The following SYNJ2BP variants were observed in gnomAD, a reference collection of about 807,000 sequenced individuals.
SYNJ2BP encodes synaptojanin 2 binding protein.
In SYNJ2BP, 10 loss-of-function variants were observed where a neutral mutation model predicts 16.9. The ratio of observed to expected loss-of-function variants is 0.59; its 90% CI spans 0.36 to 1.00. The LOEUF (loss-of-function observed/expected upper bound fraction) is 1.00, where lower values mean the gene tolerates loss of function less well. Among genes scored for constraint, SYNJ2BP ranks in the 50% least tolerant of loss-of-function variants. SYNJ2BP has a pLI of 0.01. For synonymous variants in SYNJ2BP, 54 were observed against 68.4 expected, an observed-to-expected ratio of 0.79 and a Z score of 1.04; for missense variants, 162 against 186.7, an observed-to-expected ratio of 0.87 and a Z score of 0.77.
chr14:70,393,809 G>T (rs556423695), intron 1 of SYNJ2BP, among the ~76,000 whole-genome samples: 3 of 151,894 alleles, frequency 2.0e-5, no homozygotes, highest in Non-Finnish European at 2.9e-5. Context: ...GTCAGGGGGT[G>T]GGGGGTAAGG....
intron 1 of SYNJ2BP, among the ~76,000 whole-genome samples, chr14:70,397,976 C>T (rs146640868): frequency 1.8e-4 from 27 of 152,298 alleles, no homozygotes; most frequent in African/African-American, 5.3e-4. Context: ...GATGAGTGTT[C>T]GGCTCCTAGC....
chr14:70,398,082 A>G, intron 1 of SYNJ2BP, among the ~76,000 whole-genome samples: 1 of 152,158 alleles, frequency 6.6e-6, no homozygotes, highest in African/African-American at 2.4e-5. Context: ...GGTCATCTCA[A>G]CAAGTACTCA....
rs1244816269 is a variant in SYNJ2BP, at chr14:70,371,384, G to C, written c.*1607C>G. The C allele has an allele frequency of 6.6e-6, 1 of 152,240 alleles. No individual in the cohort carries two copies. The highest frequency in any genetic ancestry group is 1.5e-5 in the Non-Finnish European group (1 of 68,078). The allele number at this position is 152,240 out of a possible 1,614,324, so 9.4% of individuals were successfully genotyped here. On this transcript the variant is annotated 3_prime_UTR_variant, in exon 4 of 4. Transcript: ENST00000256366. ...AGGTTTATTAAAAGCCGTATGTAGT[G>C]TATAAAGCCTTTCAAAAATACTAGC... is the stretch of plus-strand genomic sequence containing the variant.
At chr14:70,391,544 C>T (rs1312718238) in intron 1 of SYNJ2BP, among the ~76,000 whole-genome samples, 4 of 152,198 alleles carry the variant, frequency 2.6e-5, no homozygotes, top group Admixed American at 6.5e-5. Flanking sequence ...GGCCAACCCA[C>T]CTCTCCCAAG....
At chr14:70,402,576 G>A (rs1404328577) in intron 1 of SYNJ2BP, among the ~76,000 whole-genome samples, 1 of 151,834 alleles carries the variant, frequency 6.6e-6, no homozygotes, top group East Asian at 1.9e-4. Context: ...AACAGGTGGT[G>A]CACCTGTAGT....
At chr14:70,397,221 G>A (rs139361716) in intron 1 of SYNJ2BP, among the ~76,000 whole-genome samples, 37 of 152,070 alleles carry the variant, frequency 2.4e-4, no homozygotes, top group East Asian at 2.1e-3. Context: ...TCCAAACACC[G>A]TATGTTAAAA....
intron 2 of SYNJ2BP, among the ~76,000 whole-genome samples, chr14:70,378,592 C>A (rs996845655): frequency 1.3e-5 from 2 of 151,748 alleles, no homozygotes; most frequent in African/African-American, 2.4e-5. Context: ...GTGCCCCAGC[C>A]CAGGCTAAAA....
At chr14:70,416,254 A>T (rs1444850216) in intron 1 of SYNJ2BP, among the ~76,000 whole-genome samples, 1 of 152,106 alleles carries the variant, frequency 6.6e-6, no homozygotes, top group East Asian at 1.9e-4. Flanking sequence ...ATAAATAAAT[A>T]AAATAAATCT....
chr14:70,413,546 G>A (rs770722689), intron 1 of SYNJ2BP, among the ~76,000 whole-genome samples: 3 of 152,226 alleles, frequency 2.0e-5, no homozygotes, highest in Admixed American at 1.3e-4. Flanking sequence ...GGCTGAGGCA[G>A]GTGAATTGCT....
intron 1 of SYNJ2BP, among the ~76,000 whole-genome samples, chr14:70,415,604 A>G (rs920394411): frequency 1.3e-5 from 2 of 151,144 alleles, no homozygotes; most frequent in Non-Finnish European, 2.9e-5. Context: ...GAAGACACAA[A>G]GTATGGATAA....
intron 2 of SYNJ2BP, among the ~76,000 whole-genome samples, chr14:70,378,109 T>C (rs550783611): frequency 4.6e-5 from 7 of 152,320 alleles, no homozygotes; most frequent in African/African-American, 1.4e-4. Context: ...GCATTCTTTG[T>C]TCTTAAATTA....
chr14:70,396,906 T>C (rs1326768317), intron 1 of SYNJ2BP, among the ~76,000 whole-genome samples: 1 of 152,210 alleles, frequency 6.6e-6, no homozygotes, highest in Non-Finnish European at 1.5e-5. Context: ...AAATAAATAA[T>C]TGGCAAATAC....
At chr14:70,396,185 C>G (rs1273067684) in intron 1 of SYNJ2BP, among the ~76,000 whole-genome samples, 1 of 152,158 alleles carries the variant, frequency 6.6e-6, no homozygotes, top group Non-Finnish European at 1.5e-5. Flanking sequence ...GTGGCGCGAT[C>G]TCCGCTCACT....
At chr14:70,404,521 T>C (rs1200816589) in intron 1 of SYNJ2BP, among the ~76,000 whole-genome samples, 2 of 152,300 alleles carry the variant, frequency 1.3e-5, no homozygotes, top group East Asian at 1.9e-4. Flanking sequence ...AAAAGCTAAA[T>C]ATATTTAGAT....
chr14:70,372,894 T>G lies in SYNJ2BP; in HGVS notation c.*97A>C, dbSNP rs1481129776. The G allele has an allele frequency of 1.3e-6, 2 of 1,543,020 alleles. No individual in the cohort carries two copies. Among genetic ancestry groups the G allele is most frequent in the African/African-American group, 2.7e-5 (2 of 73,470 alleles). On this transcript the variant is annotated 3_prime_UTR_variant, in exon 4 of 4. Transcript: ENST00000256366. ...GGGTGGGTATCAGTCACTTCAAATC[T>G]GGCTATGCAGAGAGAGGGAAAGACA...
At position 70,414,739 on chromosome 14, in the gene SYNJ2BP, G is replaced by A. The variant is rs79453358; in HGVS notation, c.64+2161C>T. On this transcript the variant is annotated intron_variant, in intron 1 of 3. Transcript: ENST00000256366. ...AGATATTTAGGATAAAGAAGAAAGAGGCAAAACAGGAGCAGAACAACTAGA... is the reference window on the plus strand; with the variant it reads ...AGATATTTAGGATAAAGAAGAAAGAAGCAAAACAGGAGCAGAACAACTAGA... Among the ~76,000 whole-genome samples the A allele has an allele frequency of 9.4e-3, 1,438 of 152,204 alleles. 27 individuals carry two copies. The highest frequency in any genetic ancestry group is 0.032 in the African/African-American group (1,344 of 41,534).
At position 70,391,529 on chromosome 14, in the gene SYNJ2BP, G is replaced by A. The variant is rs532675245; in HGVS notation, c.65-2923C>T. On this transcript the variant is annotated intron_variant, in intron 1 of 3. Coordinates refer to ENST00000256366, the MANE Select transcript of SYNJ2BP (RefSeq NM_018373.3). ...AACTGTGACAGCTTTGAACAAGGGG[G>A]CCAAGGCCAACCCACCTCTCCCAAG... Among the ~76,000 whole-genome samples the A allele has an allele frequency of 9.9e-5, 15 of 152,270 alleles. No individual in the cohort carries two copies. In the South Asian group the frequency reaches 3.1e-3, roughly 32 times the overall value.
chr14:70,389,009 G>C (rs184667513), intron 1 of SYNJ2BP, among the ~76,000 whole-genome samples: 233 of 151,018 alleles, frequency 1.5e-3, no homozygotes, highest in Middle Eastern at 0.01. Context: ...TCATAGCTCA[G>C]TTGCCCAGGC....
chr14:70,413,476 T>C (rs536978481), intron 1 of SYNJ2BP, among the ~76,000 whole-genome samples: 2 of 152,206 alleles, frequency 1.3e-5, no homozygotes, highest in African/African-American at 4.8e-5. Flanking sequence ...CTGTCTCTAC[T>C]AAAAATACAA....
Sources: gnomAD v4.1 joint callset for allele counts (sites outside exome capture counted in the v4.1 genomes callset) on GRCh38, gnomAD v4.1.1 for gene constraint, MANE v1.5 for transcripts, NCBI Gene and HGNC (gene_info 2026-07-23, HGNC 2026-07-21) for gene names.